The following SH3PXD2A variants were observed in gnomAD, a reference collection of about 807,000 sequenced individuals.
SH3PXD2A encodes SH3 and PX domain-containing protein 2A.
In SH3PXD2A, 32 loss-of-function variants were observed where a neutral mutation model predicts 115.2. That is an observed-to-expected ratio of 0.28 (90% confidence interval 0.21 to 0.37). The LOEUF is 0.37. Ranked by LOEUF, SH3PXD2A falls within the 10% of genes least tolerant of loss-of-function variation. SH3PXD2A has a pLI of 1.00. For missense variants in SH3PXD2A, 1,328 were observed against 1,498.7 expected (o/e 0.89, Z 1.88); for synonymous variants, 610 against 629.1 (o/e 0.97, Z 0.45).
At chr10:103,847,554 C>T (rs1227524280) in intron 1 of SH3PXD2A, among the ~76,000 whole-genome samples, 3 of 152,088 alleles carry the variant, frequency 2.0e-5, no homozygotes, top group Admixed American at 2.0e-4. Flanking sequence ...GAGCTCCTGG[C>T]CTCAGGTGAT....
At chr10:103,604,756 C>T (rs1478092053) in intron 14 of SH3PXD2A, among the ~76,000 whole-genome samples, 2 of 152,192 alleles carry the variant, frequency 1.3e-5, no homozygotes, top group Non-Finnish European at 2.9e-5. Context: ...CTTCACCCTG[C>T]CCCAGCCCTG....
At chr10:103,619,451 C>T (rs997611389) in intron 10 of SH3PXD2A, among the ~76,000 whole-genome samples, 26 of 152,176 alleles carry the variant, frequency 1.7e-4, no homozygotes, top group African/African-American at 6.3e-4. Context: ...GTCTGTGGTT[C>T]GAGCAGGAAG....
chr10:103,657,373 T>C (rs771811073), intron 8 of SH3PXD2A, among the ~76,000 whole-genome samples: 1 of 152,198 alleles, frequency 6.6e-6, no homozygotes, highest in East Asian at 1.9e-4. Flanking sequence ...AAATTATGCC[T>C]GCTGGAGAGG....
At chr10:103,845,792 C>A (rs1480604547) in intron 1 of SH3PXD2A, among the ~76,000 whole-genome samples, 1 of 152,120 alleles carries the variant, frequency 6.6e-6, no homozygotes, top group African/African-American at 2.4e-5. Flanking sequence ...GATGGTGATA[C>A]AATACGTGCC....
At chr10:103,819,408 T>TA (rs1484058949) in intron 1 of SH3PXD2A, among the ~76,000 whole-genome samples, 1 of 151,918 alleles carries the variant, frequency 6.6e-6, no homozygotes, top group East Asian at 1.9e-4. Context: ...AGAAACAGCA[T>TA]AAGCAAAGGC....
intron 7 of SH3PXD2A, 97 bp from the exon 8 acceptor site, chr10:103,661,211 C>T (rs2037295564): frequency 2.1e-6 from 3 of 1,414,652 alleles, no homozygotes; most frequent in South Asian, 1.4e-5. Context: ...GGTGGCTGCT[C>T]TGTCGCCAGC....
At chr10:103,617,104 C>G in intron 11 of SH3PXD2A, 93 bp downstream of exon 11, 1 of 819,120 alleles carries the variant, frequency 1.2e-6, no homozygotes. Context: ...CTGTCAGTAT[C>G]TACCTGCCAT....
chr10:103,720,483 C>G (rs536397538), intron 5 of SH3PXD2A, among the ~76,000 whole-genome samples: 2 of 152,342 alleles, frequency 1.3e-5, no homozygotes, highest in South Asian at 2.1e-4. Context: ...TGTGACAGAC[C>G]TTGTCTTCTC....
Position 103,784,855 on chromosome 10 carries a change from G to A in SH3PXD2A, c.153+16427C>T, listed in dbSNP as rs1255008479. On this transcript the variant is annotated intron_variant, in intron 2 of 14. Coordinates refer to ENST00000369774, the MANE Select transcript of SH3PXD2A (RefSeq NM_001394015.1). The surrounding 1 kb of genome is among the most constrained non-coding windows in gnomAD (Gnocchi z 4.4). The stretch of plus-strand genomic sequence containing the variant: ...GGCAGCTGGGTTTGGAACACACTGA[G>A]GTGGAGGCACATGTGTGGCTTACAC... 9.2e-5 allele frequency among the ~76,000 whole-genome samples: 14 copies of A among 152,180 alleles called. No homozygotes were observed. Among genetic ancestry groups the A allele is most frequent in the Admixed American group, 8.5e-4 (13 of 15,272 alleles).
intron 5 of SH3PXD2A, among the ~76,000 whole-genome samples, chr10:103,709,295 CA>C (rs2038019493): frequency 1.3e-5 from 2 of 152,234 alleles, no homozygotes; most frequent in South Asian, 2.1e-4. Flanking sequence ...GACTTGGAGC[CA>C]AAAATCCTGG....
At chr10:103,689,404 C>A (rs1223886746) in intron 6 of SH3PXD2A, among the ~76,000 whole-genome samples, 3 of 152,152 alleles carry the variant, frequency 2.0e-5, no homozygotes, top group Non-Finnish European at 4.4e-5. Flanking sequence ...GTAGCTCACG[C>A]CTGTCATCCC....
intron 13 of SH3PXD2A, among the ~76,000 whole-genome samples, chr10:103,607,764 G>A (rs1201189259): frequency 6.6e-6 from 1 of 152,220 alleles, no homozygotes; most frequent in Non-Finnish European, 1.5e-5. Flanking sequence ...CGTCTGTGTA[G>A]AAAGAAGTAG....
At chr10:103,614,469 AAAAAC>A (rs368232709) in intron 11 of SH3PXD2A, among the ~76,000 whole-genome samples, 312 of 152,354 alleles carry the variant, frequency 2.0e-3, no homozygotes, top group African/African-American at 5.2e-3. Context: ...AAAGCAAAAC[AAAAAC>A]AAAACAAAAC....
At chr10:103,625,757 G>A (rs1312923001) in intron 9 of SH3PXD2A, among the ~76,000 whole-genome samples, 1 of 152,228 alleles carries the variant, frequency 6.6e-6, no homozygotes, top group Non-Finnish European at 1.5e-5. Flanking sequence ...AGGCGTAGTG[G>A]TAGGTGCCTG....
intron 2 of SH3PXD2A, among the ~76,000 whole-genome samples, chr10:103,769,449 CTTTTTTTTT>C (rs33915699): frequency 7.3e-6 from 1 of 137,438 alleles, no homozygotes; most frequent in South Asian, 2.3e-4. Flanking sequence ...TCTTCTTCTT[CTTTTTTTTT>C]TTTTTTTTGA....
chr10:103,732,215 C>A (rs1031767147), intron 4 of SH3PXD2A, among the ~76,000 whole-genome samples: 4 of 152,140 alleles, frequency 2.6e-5, no homozygotes, highest in Non-Finnish European at 4.4e-5. Context: ...GTATTTCACC[C>A]CTAGGAACGG....
At chr10:103,701,228 C>T (rs977796568) in intron 5 of SH3PXD2A, among the ~76,000 whole-genome samples, 4 of 146,808 alleles carry the variant, frequency 2.7e-5, no homozygotes, top group Admixed American at 2.0e-4. Context: ...CATCTACCAT[C>T]CAGCCATCCA....
chr10:103,660,398 C>T (rs2037276453), intron 8 of SH3PXD2A, among the ~76,000 whole-genome samples: 1 of 152,228 alleles, frequency 6.6e-6, no homozygotes, highest in Admixed American at 6.5e-5. Context: ...CGGACCTTGC[C>T]TGGCCCAGGC....
In SH3PXD2A at chr10:103,605,910, T is replaced by C; in HGVS notation, c.1316A>G (p.Gln439Arg). 3.1e-6 allele frequency: 5 copies of C among 1,614,084 alleles called. No homozygotes were observed. The highest frequency in any genetic ancestry group is 3.4e-6 in the Non-Finnish European group (4 of 1,179,998). ...PPRRESSLGFQLPKPPEPPSV... is the reference protein window; with the variant it reads ...PPRRESSLGFRLPKPPEPPSV... ...AGGGGGCTCTGGTGGCTTTGGCAGT[T>C]GGAACCCCTAAGGTTAAGGAACACA... Residue 439 changes from glutamine (Q) to arginine (R), a missense_variant, in exon 14 of 15, where the codon CAA (glutamine) becomes CGA (arginine). Around this residue, in one of 5 missense-constraint regions of SH3PXD2A, gnomAD observed 509 missense variants for 628.3 expected, o/e 0.81. Coordinates refer to ENST00000369774, the MANE Select transcript of SH3PXD2A (RefSeq NM_001394015.1).
Sources: allele counts gnomAD v4.1 joint callset (sites outside exome capture counted in the v4.1 genomes callset), GRCh38; gene constraint gnomAD v4.1.1; regional missense constraint gnomAD v4.1.1; non-coding constraint Gnocchi (gnomAD v3.1); transcripts MANE v1.5; gene names NCBI Gene and HGNC (gene_info 2026-07-23, HGNC 2026-07-21).